Variants in PTPRS observed in about 807,000 individuals in gnomAD.
PTPRS encodes receptor-type tyrosine-protein phosphatase S.
A neutral mutation model predicts 215.3 loss-of-function variants in PTPRS; 63 were observed. That is an observed-to-expected ratio of 0.29 (90% CI 0.24 to 0.36). The LOEUF (loss-of-function observed/expected upper bound fraction) is 0.36, where lower values mean the gene tolerates loss of function less well. Among genes scored for constraint, PTPRS ranks in the 10% least tolerant of loss-of-function variants. The probability of loss-of-function intolerance (pLI) is 1.00; values close to 1 mark genes in which losing one functional copy is unlikely to be tolerated. For missense variants in PTPRS, 2,258 were observed against 2,825.8 expected (o/e 0.80, Z 4.56); for synonymous variants, 1,404 against 1,191.4 (o/e 1.18, Z -3.68).
At chr19:5,248,470 C>T (rs964161692) in intron 9 of PTPRS, among the ~76,000 whole-genome samples, 1 of 151,954 alleles carries the variant, frequency 6.6e-6, no homozygotes, top group Non-Finnish European at 1.5e-5. Flanking sequence ...CCCAGGGAGA[C>T]GCCCTCCCCC....
In PTPRS at chr19:5,214,252, C is replaced by T. The variant is rs543415792; in HGVS notation, c.4614+109G>A. 2.7e-4 allele frequency: 399 copies of T among 1,475,582 alleles called. 1 individual carries two copies. The highest frequency in any genetic ancestry group is 4.0e-4 in the South Asian group (32 of 79,030). The allele number at this position is 1,475,582 out of a possible 1,614,324, so 91.4% of individuals were successfully genotyped here. A position where few individuals can be genotyped will look rare whatever the true frequency, so the allele number is the denominator to read the frequency against. On this transcript the variant is annotated intron_variant, in intron 30 of 37. Coordinates refer to ENST00000262963, the MANE Select transcript of PTPRS (RefSeq NM_002850.4). ...GTAGTCAGCCTGGGTAGACACGCTCCGCTTTCTCTCTGTCCCATGGGGAGC... is the reference window on the plus strand; with the variant it reads ...GTAGTCAGCCTGGGTAGACACGCTCTGCTTTCTCTCTGTCCCATGGGGAGC...
At chr19:5,248,506 C>G (rs1180607743) in intron 9 of PTPRS, among the ~76,000 whole-genome samples, 1 of 152,128 alleles carries the variant, frequency 6.6e-6, no homozygotes, top group East Asian at 1.9e-4. Context: ...TCCGGCCTCC[C>G]CATCCAGCAC....
rs956570155 is a variant in PTPRS at position 5,338,575 on chromosome 19, A to G, written c.-95+2089T>C. Among the ~76,000 whole-genome samples, 6 of 151,946 alleles carry G rather than the reference A, an allele frequency of 3.9e-5. No homozygotes were observed. The highest frequency in any genetic ancestry group is 1.5e-4 in the African/African-American group (6 of 41,368). ...CAGGCCCAAGCTGGGGGGCTGTGGG[A>G]TTTGAGGGCGGGAAGCAGCCGCCCC... On this transcript the variant is annotated intron_variant, in intron 1 of 37. Coordinates refer to ENST00000262963, the MANE Select transcript of PTPRS (RefSeq NM_002850.4). The surrounding 1 kb of genome is among the most constrained non-coding windows in gnomAD (Gnocchi z 4.2).
intron 37 of PTPRS, among the ~76,000 whole-genome samples, chr19:5,207,058 C>T (rs1366102213): frequency 6.6e-6 from 1 of 152,202 alleles, no homozygotes; most frequent in Non-Finnish European, 1.5e-5. Flanking sequence ...CCTCTCCTCC[C>T]GTCTGCCTGG....
At chr19:5,318,618 T>C (rs554961097) in intron 1 of PTPRS, among the ~76,000 whole-genome samples, 1 of 152,212 alleles carries the variant, frequency 6.6e-6, no homozygotes, top group Admixed American at 6.5e-5. Flanking sequence ...AAGCAGCTGA[T>C]AGACTGCAGA....
intron 1 of PTPRS, among the ~76,000 whole-genome samples, chr19:5,335,177 T>C (rs2050454138): frequency 6.6e-6 from 1 of 152,170 alleles, no homozygotes; most frequent in Non-Finnish European, 1.5e-5. Context: ...GAGCCATGGC[T>C]TCTCCGCCCG....
At chr19:5,273,986 G>T (rs149738604) in intron 3 of PTPRS, among the ~76,000 whole-genome samples, 1 of 152,242 alleles carries the variant, frequency 6.6e-6, no homozygotes, top group African/African-American at 2.4e-5. Flanking sequence ...GACTCAGAGA[G>T]GGCAGGGCTT....
intron 1 of PTPRS, among the ~76,000 whole-genome samples, chr19:5,332,445 C>G (rs1033313158): frequency 2.0e-5 from 3 of 152,144 alleles, no homozygotes; most frequent in African/African-American, 7.2e-5. Context: ...GGCAATTTTA[C>G]TTAAAATCTA....
At chr19:5,292,297 C>G (rs2048886149) in intron 1 of PTPRS, among the ~76,000 whole-genome samples, 1 of 152,312 alleles carries the variant, frequency 6.6e-6, no homozygotes, top group Non-Finnish European at 1.5e-5. Flanking sequence ...ACAGAGACCA[C>G]CCCAGGCAAT....
chr19:5,252,873 CAAAAAAAA>C (rs769636796), intron 9 of PTPRS, among the ~76,000 whole-genome samples: 8 of 45,702 alleles, frequency 1.8e-4, no homozygotes, highest in African/African-American at 5.0e-4. Flanking sequence ...AACTCCATCT[CAAAAAAAA>C]AAAAAAAAAA....
At chr19:5,260,320 C>A (rs1416508839) in intron 7 of PTPRS, among the ~76,000 whole-genome samples, 1 of 151,822 alleles carries the variant, frequency 6.6e-6, no homozygotes, top group Non-Finnish European at 1.5e-5. Context: ...GCTGGGATTA[C>A]AGGCGCCCAC....
intron 2 of PTPRS, 149 bp from the exon 3 acceptor site, chr19:5,274,493 A>C: frequency 9.6e-7 from 1 of 1,038,558 alleles, no homozygotes; most frequent in East Asian, 2.7e-5. Context: ...CAAGGATGAC[A>C]ACAAACACCC....
In PTPRS at chr19:5,241,827, G is replaced by A. The variant is rs180670779; in HGVS notation, c.1571-1495C>T. 2.6e-5 allele frequency among the ~76,000 whole-genome samples: 4 copies of A among 152,050 alleles called. No individual in the cohort carries two copies. In the East Asian group the frequency reaches 5.9e-4, roughly 22 times the overall value. ...GAGGGAGACTGGCCCACTGCCTTAG[G>A]GGTGAGGCAGTTTTCTTTTATTTTT... On this transcript the variant is annotated intron_variant, in intron 11 of 37. Coordinates refer to ENST00000262963, the MANE Select transcript of PTPRS (RefSeq NM_002850.4).
At chr19:5,211,352 T>C (rs779077857) in intron 33 of PTPRS, among the ~76,000 whole-genome samples, 1 of 152,170 alleles carries the variant, frequency 6.6e-6, no homozygotes, top group Non-Finnish European at 1.5e-5. Context: ...ATTACCCCAA[T>C]TGAGAACCAC....
chr19:5,316,368 A>G (rs2049876065), intron 1 of PTPRS, among the ~76,000 whole-genome samples: 2 of 151,858 alleles, frequency 1.3e-5, no homozygotes, highest in Admixed American at 6.6e-5. Context: ...CTTGCCCCAG[A>G]TTTGCTGATT....
intron 13 of PTPRS, among the ~76,000 whole-genome samples, 160 bp downstream of exon 13, chr19:5,238,759 C>T (rs1051918148): frequency 7.9e-5 from 12 of 152,212 alleles, no homozygotes; most frequent in Non-Finnish European, 1.5e-5. Context: ...AGGCACAGCG[C>T]GGGTAGATGG....
chr19:5,222,735 G>A lies in PTPRS; in HGVS notation c.3057C>T (p.Gly1019=), dbSNP rs1201882659. ...QVRAHTRRGP[G]PFSPPVRYRT... is the part of the protein sequence containing the mutation. ...GGTAGCGGACGGGGGGGCTGAAGGG[G>A]CCAGGGCCCCGGCGCGTGTGGGCTC... The change falls in exon 18 of 38, where the codon GGC becomes GGT. Residue 1019 remains glycine (G), a synonymous_variant. Coordinates refer to ENST00000262963, the MANE Select transcript of PTPRS (RefSeq NM_002850.4). The A allele has an allele frequency of 2.5e-6, 4 of 1,597,744 alleles. No homozygotes were observed. The highest frequency in any genetic ancestry group is 3.4e-6 in the Non-Finnish European group (4 of 1,178,034).
At chr19:5,254,369 G>A (rs1463069937) in intron 9 of PTPRS, among the ~76,000 whole-genome samples, 4 of 152,058 alleles carry the variant, frequency 2.6e-5, no homozygotes, top group Admixed American at 6.5e-5. Context: ...TCGTCTAAAC[G>A]GGGTAGTCAG....
chr19:5,247,846 G>A (rs942739689), intron 9 of PTPRS, among the ~76,000 whole-genome samples: 1 of 151,894 alleles, frequency 6.6e-6, no homozygotes, highest in African/African-American at 2.4e-5. Context: ...GGGGGACGTC[G>A]GCAGGCGTGG....
Sources: gnomAD v4.1 joint callset for allele counts (sites outside exome capture counted in the v4.1 genomes callset) on GRCh38, gnomAD v4.1.1 for gene constraint, Gnocchi (gnomAD v3.1) non-coding constraint, MANE v1.5 for transcripts, NCBI Gene and HGNC (gene_info 2026-07-23, HGNC 2026-07-21) for gene names.